Variants in SESTD1 observed in about 807,000 individuals in gnomAD.
SESTD1 encodes the protein SEC14 domain and spectrin repeat-containing protein 1.
SESTD1 carries 43 observed loss-of-function variants against 101.7 expected under a neutral mutation model. The observed-to-expected ratio is 0.42, with a 90% CI of 0.33 to 0.55. The LOEUF is 0.55. Among genes scored for constraint, SESTD1 ranks in the 20% least tolerant of loss-of-function variants. The pLI is 0.07. For missense variants in SESTD1, 647 were observed against 815.1 expected (o/e 0.79, Z 2.51); for synonymous variants, 283 against 286.8 (o/e 0.99, Z 0.13).
chr2:179,206,324 G>A (rs976404089), intron 1 of SESTD1, among the ~76,000 whole-genome samples: 1 of 132,586 alleles, frequency 7.5e-6, no homozygotes, highest in Non-Finnish European at 1.6e-5. Context: ...CTAAAAAACT[G>A]TGAATCAATG....
At position 179,181,493 on chromosome 2, in the gene SESTD1, A is replaced by C. The variant is rs149000429; in HGVS notation, c.164+1587T>G. On this transcript the variant is annotated intron_variant, in intron 3 of 17. Coordinates refer to ENST00000428443, the MANE Select transcript of SESTD1 (RefSeq NM_178123.5). Reference sequence around the variant, plus strand: ...TTCAAGAGTAACTTTGACAATTAGGAGTTTTTGCTTTTCATTTGAACCTCA... The same window carrying C: ...TTCAAGAGTAACTTTGACAATTAGGCGTTTTTGCTTTTCATTTGAACCTCA... Among the ~76,000 whole-genome samples, 1,128 of 152,220 alleles carry C rather than the reference A, an allele frequency of 7.4e-3. 5 individuals carry two copies. The highest frequency in any genetic ancestry group is 0.013 in the Non-Finnish European group (889 of 67,994).
In SESTD1 at chr2:179,255,384, C is replaced by T. The variant is rs886368960; in HGVS notation, c.-26+9115G>A. Reference sequence around the variant, plus strand: ...AAAGTAAAAGTGCCACTCCAGAAAACATACGAATGATAAGAAAGTGAAACA... The same window carrying T: ...AAAGTAAAAGTGCCACTCCAGAAAATATACGAATGATAAGAAAGTGAAACA... On this transcript the variant is annotated intron_variant, in intron 1 of 17. Coordinates refer to ENST00000428443, the MANE Select transcript of SESTD1 (RefSeq NM_178123.5). Among the ~76,000 whole-genome samples the T allele has an allele frequency of 2.6e-5, 4 of 152,294 alleles. No homozygotes were observed. The East Asian group carries it at 7.7e-4, about 29-fold the overall frequency.
intron 13 of SESTD1, among the ~76,000 whole-genome samples, chr2:179,121,377 T>TGTAA (rs1295856772): frequency 1.9e-4 from 29 of 152,356 alleles, no homozygotes; most frequent in African/African-American, 7.0e-4. Context: ...TGTGACATTC[T>TGTAA]GTAAGTTTAG....
At chr2:179,166,560 T>C (rs1251247010) in intron 5 of SESTD1, among the ~76,000 whole-genome samples, 1 of 152,144 alleles carries the variant, frequency 6.6e-6, no homozygotes, top group Admixed American at 6.5e-5. Context: ...CATTACCCAC[T>C]AGGCTGAGGG....
At chr2:179,151,619 CCAG>C (rs1309268098) in intron 5 of SESTD1, among the ~76,000 whole-genome samples, 3 of 151,982 alleles carry the variant, frequency 2.0e-5, no homozygotes, top group Non-Finnish European at 2.9e-5. Context: ...ACAACAGGTA[CCAG>C]CAGTTCAGAT....
intron 8 of SESTD1, 55 bp downstream of exon 8, chr2:179,146,347 G>A (rs183946173): frequency 1.3e-5 from 18 of 1,431,214 alleles, no homozygotes; most frequent in South Asian, 3.6e-5. Flanking sequence ...TTTAATGAAC[G>A]AATCAATCCA....
chr2:179,140,106 T>C (rs2045244605), intron 9 of SESTD1, among the ~76,000 whole-genome samples: 1 of 152,102 alleles, frequency 6.6e-6, no homozygotes, highest in South Asian at 2.1e-4. Flanking sequence ...AATTATTCCT[T>C]CTCTCTTGTG....
rs185719416 is a variant in SESTD1, at chr2:179,128,327, T to C, written c.973-3769A>G. Among the ~76,000 whole-genome samples, 7 of 152,284 alleles carry C rather than the reference T, an allele frequency of 4.6e-5. No individual in the cohort carries two copies. The East Asian group carries it at 1.4e-3, about 29-fold the overall frequency. ...AAATTAGAGACATTGATATTACCGA[T>C]TGAGGTTGCCATAAAGAAATAGTCT... is the stretch of plus-strand genomic sequence containing the variant. On this transcript the variant is annotated intron_variant, in intron 10 of 17. Transcript: ENST00000428443.
chr2:179,237,665 C>G (rs991073913), intron 1 of SESTD1, among the ~76,000 whole-genome samples: 6 of 152,182 alleles, frequency 3.9e-5, no homozygotes, highest in Middle Eastern at 3.4e-3. Flanking sequence ...TCCATGGTCC[C>G]TTCTGTCAGT....
chr2:179,261,683 A>G (rs1197144285), intron 1 of SESTD1, among the ~76,000 whole-genome samples: 1 of 152,052 alleles, frequency 6.6e-6, no homozygotes, highest in African/African-American at 2.4e-5. Context: ...TCATTGCTAC[A>G]TTGCTATAAC....
intron 1 of SESTD1, among the ~76,000 whole-genome samples, chr2:179,253,995 G>C (rs1161358338): frequency 6.6e-6 from 1 of 152,006 alleles, no homozygotes; most frequent in Non-Finnish European, 1.5e-5. Context: ...AGCTACTCAG[G>C]AGGCTGAGGC....
intron 1 of SESTD1, among the ~76,000 whole-genome samples, chr2:179,193,006 A>T (rs1006047102): frequency 6.6e-6 from 1 of 152,200 alleles, no homozygotes; most frequent in Non-Finnish European, 1.5e-5. Flanking sequence ...GTATGAGTAT[A>T]TTACTTATTC....
At chr2:179,207,918 T>C (rs2046609184) in intron 1 of SESTD1, among the ~76,000 whole-genome samples, 1 of 134,870 alleles carries the variant, frequency 7.4e-6, no homozygotes, top group African/African-American at 2.9e-5. Flanking sequence ...AGGTTGATTA[T>C]TAAGCTATTC....
intron 1 of SESTD1, among the ~76,000 whole-genome samples, chr2:179,193,688 G>T (rs2046350950): frequency 6.6e-6 from 1 of 151,976 alleles, no homozygotes; most frequent in African/African-American, 2.4e-5. Context: ...TATTTTATTA[G>T]CCCCAAACAG....
intron 2 of SESTD1, 107 bp downstream of exon 2, chr2:179,191,680 T>C (rs2046322174): frequency 1.1e-6 from 1 of 923,966 alleles, no homozygotes. Context: ...AAATACCTTT[T>C]AAACAAAACT....
At chr2:179,162,828 A>C (rs1443300945) in intron 5 of SESTD1, among the ~76,000 whole-genome samples, 1 of 150,636 alleles carries the variant, frequency 6.6e-6, no homozygotes, top group East Asian at 1.9e-4. Context: ...CTAGTAAAAA[A>C]AAAAAAAAAA....
At position 179,156,156 on chromosome 2, in the gene SESTD1, A is replaced by G. The variant is rs150363603; in HGVS notation, c.370-4765T>C. Among the ~76,000 whole-genome samples, 320 of 152,062 alleles carry G rather than the reference A, an allele frequency of 2.1e-3. 6 individuals are homozygous for G. The highest frequency in any genetic ancestry group is 7.4e-3 in the African/African-American group (306 of 41,462). ...TACGTATATATGTATATATATGTGT[A>G]TATATGTATATGTGTGTGTATATAT... is the stretch of plus-strand genomic sequence containing the variant. On this transcript the variant is annotated intron_variant, in intron 5 of 17. Coordinates refer to ENST00000428443, the MANE Select transcript of SESTD1 (RefSeq NM_178123.5).
intron 2 of SESTD1, among the ~76,000 whole-genome samples, chr2:179,185,802 T>C (rs565744380): frequency 1.3e-4 from 17 of 128,374 alleles, no homozygotes; most frequent in African/African-American, 3.9e-4. Context: ...ATATATAATA[T>C]AGCATATACA....
intron 12 of SESTD1, among the ~76,000 whole-genome samples, 194 bp downstream of exon 12, chr2:179,123,521 A>G (rs1478024284): frequency 5.9e-5 from 9 of 152,202 alleles, no homozygotes; most frequent in Non-Finnish European, 1.3e-4. Context: ...AGGAGTGACT[A>G]ACTAACGATG....
Sources: gnomAD v4.1 joint callset for allele counts (sites outside exome capture counted in the v4.1 genomes callset) on GRCh38, gnomAD v4.1.1 for gene constraint, MANE v1.5 for transcripts, NCBI Gene and HGNC (gene_info 2026-07-23, HGNC 2026-07-21) for gene names.